The following RRP1B variants were observed in gnomAD, a reference collection of about 807,000 sequenced individuals.
The protein encoded by RRP1B is ribosomal RNA processing protein 1 homolog B.
In RRP1B, 56 loss-of-function variants were observed where a neutral mutation model predicts 80.2. The observed-to-expected ratio is 0.70, with a 90% CI of 0.56 to 0.87. RRP1B has a LOEUF of 0.87. Ranked by LOEUF, RRP1B falls within the 40% of genes least tolerant of loss-of-function variation. RRP1B has a pLI of 0.00. For synonymous variants in RRP1B, 351 were observed against 357.6 expected (o/e 0.98, Z 0.21); for missense variants, 807 against 939.8 (o/e 0.86, Z 1.85).
intron 1 of RRP1B, among the ~76,000 whole-genome samples, chr21:43,668,604 C>G (rs1451641644): frequency 6.6e-6 from 1 of 152,052 alleles, no homozygotes; most frequent in Non-Finnish European, 1.5e-5. Context: ...CGTCTGACCC[C>G]GTGATCCGCC....
intron 7 of RRP1B, 84 bp from the exon 8 acceptor site, chr21:43,676,649 C>T: frequency 1.6e-6 from 2 of 1,273,266 alleles, no homozygotes; most frequent in Non-Finnish European, 2.2e-6. Flanking sequence ...GCAACGTGTG[C>T]AGGGCTTCCC....
chr21:43,682,773 C>T (rs1179327577), intron 8 of RRP1B, among the ~76,000 whole-genome samples: 1 of 152,266 alleles, frequency 6.6e-6, no homozygotes, highest in Non-Finnish European at 1.5e-5. Flanking sequence ...AAAACATGTG[C>T]TTTTTCCCAG....
intron 13 of RRP1B, among the ~76,000 whole-genome samples, chr21:43,689,485 C>A (rs1323425830): frequency 6.6e-6 from 1 of 152,200 alleles, no homozygotes; most frequent in African/African-American, 2.4e-5. Flanking sequence ...TTTCTAGCCT[C>A]GAGTCTCTCC....
intron 1 of RRP1B, among the ~76,000 whole-genome samples, chr21:43,667,333 C>T (rs1039829807): frequency 6.6e-6 from 1 of 152,156 alleles, no homozygotes. Flanking sequence ...CTCAGGTCAT[C>T]CTCCCACTTC....
chr21:43,663,225 CAT>C (rs2082964990), intron 1 of RRP1B, among the ~76,000 whole-genome samples: 1 of 152,160 alleles, frequency 6.6e-6, no homozygotes, highest in African/African-American at 2.4e-5. Context: ...TAATATTTCA[CAT>C]GTCTACATGT....
intron 8 of RRP1B, among the ~76,000 whole-genome samples, chr21:43,680,414 A>G (rs1243600122): frequency 1.3e-5 from 2 of 151,586 alleles, no homozygotes; most frequent in Non-Finnish European, 2.9e-5. Context: ...AAAAAAAAAA[A>G]TTAGCCAGGC....
chr21:43,688,082 C>A lies in RRP1B; in HGVS notation c.1708C>A (p.Leu570Met), dbSNP rs199682571. The A allele has an allele frequency of 7.9e-5, 128 of 1,611,470 alleles. No homozygotes were observed. Among genetic ancestry groups the A allele is most frequent in the Middle Eastern group, 1.7e-4 (1 of 6,042 alleles). ...CACCACGCTGCCCCAGCGCAGGAGGCTGCAGAAAAAGAAGGCAGGGCCCGG... is the reference window on the plus strand; with the variant it reads ...CACCACGCTGCCCCAGCGCAGGAGGATGCAGAAAAAGAAGGCAGGGCCCGG... Reference protein sequence around the residue: ...SHTTLPQRRRLQKKKAGPGSL... With the variant: ...SHTTLPQRRRMQKKKAGPGSL... The change falls in exon 13 of 16, where the codon CTG becomes ATG. Residue 570 changes from leucine to methionine, a missense_variant. Physicochemically the swap from Leu to Met is conservative, Grantham distance 15. Transcript: ENST00000340648.
Position 43,693,449 on chromosome 21 carries a change from G to C in RRP1B, c.*66G>C. On this transcript the variant is annotated 3_prime_UTR_variant, in exon 16 of 16. Coordinates refer to ENST00000340648, the MANE Select transcript of RRP1B (RefSeq NM_015056.3). This position sits in a 1 kb window ranked among gnomAD's most constrained non-coding sequence, Gnocchi z 4.1. ...AATGCGCTATAAATTATACCTTTAA[G>C]AATGTGGGGCCTTTTTTATGATTTT... 7.2e-7 allele frequency: 1 copy of C among 1,380,428 alleles called. No homozygotes were observed. 85.5% of individuals were successfully genotyped at this position (1,380,428 alleles called of 1,614,324 possible). A position where few individuals can be genotyped will look rare whatever the true frequency, so the allele number is the denominator to read the frequency against.
intron 8 of RRP1B, among the ~76,000 whole-genome samples, chr21:43,681,513 G>A (rs751561528): frequency 8.5e-5 from 13 of 152,100 alleles, no homozygotes; most frequent in Non-Finnish European, 1.8e-4. Context: ...GCACCACCAT[G>A]CTTAGCAAAA....
rs764485248 is a variant in RRP1B, at chr21:43,683,379, T to C, written c.891+6T>C. The C allele has an allele frequency of 4.3e-6, 7 of 1,609,698 alleles. No individual in the cohort carries two copies. The South Asian group carries it at 7.7e-5, about 18-fold the overall frequency. On this transcript the variant is annotated splice_donor_region_variant and intron_variant, in intron 9 of 15. Transcript: ENST00000340648. Reference sequence around the variant, plus strand: ...ACACAGGGCCCCTTCTCCAGGTGGGTAGCAGTTGTTGCTTTTTATAGAATA... The same window carrying C: ...ACACAGGGCCCCTTCTCCAGGTGGGCAGCAGTTGTTGCTTTTTATAGAATA...
rs1292039988 is a variant in RRP1B at position 43,685,751 on chromosome 21, T to G, written c.990-19T>G. 2.0e-6 allele frequency: 3 copies of G among 1,473,486 alleles called. No homozygotes were observed. Among genetic ancestry groups the G allele is most frequent in the East Asian group, 2.5e-5 (1 of 39,620 alleles). The allele number at this position is 1,473,486 out of a possible 1,614,324, so 91.3% of individuals were successfully genotyped here. ...TTTGTTATTTTTTTATTTTTTATTT[T>G]TTATTTTTTTATTTTTAGATTCCAA... On this transcript the variant is annotated intron_variant, in intron 10 of 15. Transcript: ENST00000340648.
intron 6 of RRP1B, among the ~76,000 whole-genome samples, chr21:43,675,413 T>G (rs1328864428): frequency 6.6e-6 from 1 of 152,158 alleles, no homozygotes; most frequent in East Asian, 1.9e-4. Context: ...AAGAACTCAC[T>G]AACACGGGGG....
At chr21:43,671,693 T>G (rs571078741) in intron 2 of RRP1B, among the ~76,000 whole-genome samples, 93 of 147,640 alleles carry the variant, frequency 6.3e-4, no homozygotes, top group Non-Finnish European at 9.5e-4. Context: ...GTTTTTTGGT[T>G]GTTGTTGTTG....
At chr21:43,671,167 G>A (rs2147164408) in intron 2 of RRP1B, among the ~76,000 whole-genome samples, 1 of 152,156 alleles carries the variant, frequency 6.6e-6, no homozygotes, top group South Asian at 2.1e-4. Flanking sequence ...CCTCAGCAGG[G>A]CATGCTCTCT....
intron 1 of RRP1B, among the ~76,000 whole-genome samples, chr21:43,661,401 C>T (rs561616819): frequency 3.3e-5 from 5 of 152,166 alleles, no homozygotes; most frequent in African/African-American, 1.2e-4. Context: ...GTTTTCTTTT[C>T]TTTTGGTTGC....
Position 43,674,641 on chromosome 21 carries a change from T to G in RRP1B, c.363T>G (p.Ile121Met). The G allele has an allele frequency of 6.4e-7, 1 of 1,568,132 alleles. No homozygotes were observed. Among genetic ancestry groups the G allele is most frequent in the Non-Finnish European group, 8.6e-7 (1 of 1,162,950 alleles). Residue 121 changes from isoleucine to methionine, a missense_variant, in exon 5 of 16, where the codon ATT (isoleucine) becomes ATG (methionine). Ile to Met is a conservative substitution (Grantham distance 10). Transcript: ENST00000340648. Reference sequence around the variant, plus strand: ...CAAAAATTGCCTTTCTTTAGCTGATTCGTCTGGTCCTGAGGCAGTCCTTTG... The same window carrying G: ...CAAAAATTGCCTTTCTTTAGCTGATGCGTCTGGTCCTGAGGCAGTCCTTTG... The part of the protein sequence containing the change: ...RLRLDKYYML[I>M]RLVLRQSFEV...
At chr21:43,685,683 A>T (rs1601759774) in intron 10 of RRP1B, 87 bp from the exon 11 acceptor site, 2 of 994,936 alleles carry the variant, frequency 2.0e-6, no homozygotes, top group East Asian at 5.9e-5. Context: ...TAAAAATCAA[A>T]TACATATGTC....
At position 43,673,969 on chromosome 21, in the gene RRP1B, C is replaced by A. The variant is rs2083010703; in HGVS notation, c.357+14C>A. The A allele has an allele frequency of 1.9e-6, 3 of 1,568,022 alleles. No individual in the cohort carries two copies. The East Asian group carries it at 6.7e-5, about 35-fold the overall frequency. On this transcript the variant is annotated intron_variant, in intron 4 of 15. Coordinates refer to ENST00000340648, the MANE Select transcript of RRP1B (RefSeq NM_015056.3). ...AAATACTATATGGTAAGATCTGCCGCAGTTACTTCAAAAACTCCTGGGAAG... is the reference window on the plus strand; with the variant it reads ...AAATACTATATGGTAAGATCTGCCGAAGTTACTTCAAAAACTCCTGGGAAG...
chr21:43,675,209 G>T (rs775968361), intron 6 of RRP1B, 46 bp downstream of exon 6: 11 of 1,599,426 alleles, frequency 6.9e-6, no homozygotes, highest in Non-Finnish European at 8.5e-6. Flanking sequence ...GGGGCCGCCA[G>T]TGTTCGCAGT....
Sources: allele counts gnomAD v4.1 joint callset (sites outside exome capture counted in the v4.1 genomes callset), GRCh38; gene constraint gnomAD v4.1.1; non-coding constraint Gnocchi (gnomAD v3.1); transcripts MANE v1.5; gene names NCBI Gene and HGNC (gene_info 2026-07-23, HGNC 2026-07-21).